Variants in TTC3 observed in about 807,000 individuals in gnomAD.
TTC3 encodes the protein E3 ubiquitin-protein ligase TTC3.
A neutral mutation model predicts 249.6 loss-of-function variants in TTC3; 180 were observed. That is an observed-to-expected ratio of 0.72 (90% CI 0.64 to 0.82). The LOEUF (loss-of-function observed/expected upper bound fraction) is 0.82, where lower values mean the gene tolerates loss of function less well. Among genes scored for constraint, TTC3 ranks in the 40% least tolerant of loss-of-function variants. TTC3 has a pLI of 0.00. For missense variants in TTC3, 2,061 were observed against 2,398.4 expected, an observed-to-expected ratio of 0.86 and a Z score of 2.94; for synonymous variants, 717 against 805.0, an observed-to-expected ratio of 0.89 and a Z score of 1.85.
At chr21:37,199,957 G>A (rs79863595) in intron 44 of TTC3, among the ~76,000 whole-genome samples, 4,221 of 152,220 alleles carry the variant, frequency 0.028, 83 homozygotes, top group Middle Eastern at 0.044. Context: ...TGTACTTTAG[G>A]TATGGTAATC....
exon 27 of TTC3, chr21:37,153,179 A>G (rs760748166): frequency 6.2e-6 from 10 of 1,614,204 alleles, no homozygotes; most frequent in Middle Eastern, 1.7e-4. Flanking sequence ...ATTCAAGAAA[A>G]TAACAGAGTA....
rs2070313892 is a variant in TTC3 at position 37,073,462 on chromosome 21, C to CGTGGGTGTGTGGTGAGT, written c.-12+110_-12+126dup. On this transcript the variant is annotated intron_variant, in intron 1 of 45. It removes the in-frame stop codon of an upstream open reading frame in the 5' UTR. Coordinates refer to ENST00000355666, the Ensembl canonical transcript of TTC3. ...GGAGCGGGGCCTTCCACACCCCCTC[C>CGTGGGTGTGTGGTGAGT]GTGGGTGTGTGGTGAGTGTGGGTGT... The CGTGGGTGTGTGGTGAGT allele has an allele frequency of 7.1e-6, 7 of 986,340 alleles. No homozygotes were observed. The highest frequency in any genetic ancestry group is 1.1e-4 in the East Asian group (1 of 8,820). The allele number at this position is 986,340 out of a possible 1,614,324, so 61.1% of individuals were successfully genotyped here. A position where few individuals can be genotyped will look rare whatever the true frequency, so the allele number is the denominator to read the frequency against.
At chr21:37,136,146 C>T (rs868195050) in intron 18 of TTC3, among the ~76,000 whole-genome samples, 1 of 152,142 alleles carries the variant, frequency 6.6e-6, no homozygotes, top group South Asian at 2.1e-4. Flanking sequence ...GTTATCTCCA[C>T]CCCCTTCCTT....
chr21:37,142,458 C>G (rs575948378), intron 20 of TTC3, among the ~76,000 whole-genome samples: 52 of 152,238 alleles, frequency 3.4e-4, no homozygotes, highest in African/African-American at 1.2e-3. Flanking sequence ...ACACCAGTAA[C>G]AGACAAACAG....
At chr21:37,161,261 T>C (rs2080717979) in intron 30 of TTC3, among the ~76,000 whole-genome samples, 1 of 152,114 alleles carries the variant, frequency 6.6e-6, no homozygotes, top group Admixed American at 6.6e-5. Context: ...TCCAAGCCCA[T>C]TAGATAAGTA....
At position 37,119,124 on chromosome 21, in the gene TTC3, G is replaced by A. The variant is rs1319523808; in HGVS notation, c.901-2693G>A. Among the ~76,000 whole-genome samples, 4 of 152,256 alleles carry A rather than the reference G, an allele frequency of 2.6e-5. No individual in the cohort carries two copies. The East Asian group carries it at 7.7e-4, about 29-fold the overall frequency. On this transcript the variant is annotated intron_variant, in intron 11 of 45. Transcript: ENST00000355666. ...GTGAATTTTACCTTGTTTGGTGCTG[G>A]ATATTCTTGTTTTTCTTTAAATATG... is the stretch of plus-strand genomic sequence containing the variant.
intron 23 of TTC3, among the ~76,000 whole-genome samples, chr21:37,149,209 A>G (rs1193420041): frequency 6.6e-6 from 1 of 152,208 alleles, no homozygotes; most frequent in South Asian, 2.1e-4. Flanking sequence ...TAGTATTACA[A>G]TCTTATTTGT....
intron 36 of TTC3, among the ~76,000 whole-genome samples, chr21:37,184,945 A>G (rs2083099513): frequency 1.3e-5 from 2 of 152,206 alleles, no homozygotes; most frequent in Admixed American, 1.3e-4. Flanking sequence ...AGAAATGACT[A>G]GAACATAGAG....
At chr21:37,081,111 T>TTC (rs2071586607) in intron 1 of TTC3, among the ~76,000 whole-genome samples, 1 of 62,898 alleles carries the variant, frequency 1.6e-5, no homozygotes, top group African/African-American at 5.3e-5. Flanking sequence ...ATTTATGCCT[T>TTC]TTTTTTTTTT....
intron 12 of TTC3, 64 bp from the exon 13 acceptor site, chr21:37,122,919 T>G: frequency 1.3e-6 from 2 of 1,565,916 alleles, no homozygotes; most frequent in South Asian, 1.1e-5. Context: ...ATTTGAAATC[T>G]TTTAAAGTCT....
At chr21:37,076,623 C>G (rs1277638766) in intron 1 of TTC3, among the ~76,000 whole-genome samples, 1 of 151,186 alleles carries the variant, frequency 6.6e-6, no homozygotes, top group Non-Finnish European at 1.5e-5. Flanking sequence ...GACAGGCAAA[C>G]CACAGGTTCT....
At chr21:37,166,104 A>C (rs2081230592) in exon 33 of TTC3, 4 of 1,614,140 alleles carry the variant, frequency 2.5e-6, no homozygotes, top group Non-Finnish European at 3.4e-6. Flanking sequence ...AATTCCCCCA[A>C]ACCGGTTCTT....
chr21:37,103,603 A>G (rs1176915020), intron 10 of TTC3, among the ~76,000 whole-genome samples: 1 of 152,212 alleles, frequency 6.6e-6, no homozygotes, highest in Admixed American at 6.5e-5. Context: ...TGTGATATTT[A>G]TAATATATGC....
intron 20 of TTC3, among the ~76,000 whole-genome samples, chr21:37,142,437 A>G (rs2055371596): frequency 6.6e-6 from 1 of 152,226 alleles, no homozygotes; most frequent in South Asian, 2.1e-4. Flanking sequence ...AAAAATCACA[A>G]GCATTCTTAT....
At chr21:37,107,843 T>A (rs1601476009) in intron 10 of TTC3, 1 of 152,556 alleles carries the variant, frequency 6.6e-6, no homozygotes, top group Non-Finnish European at 1.5e-5. Flanking sequence ...CCCAGCACTT[T>A]GGGAGGCCAA....
intron 20 of TTC3, among the ~76,000 whole-genome samples, chr21:37,143,133 C>T (rs2078650661): frequency 6.6e-6 from 1 of 152,106 alleles, no homozygotes; most frequent in Admixed American, 6.6e-5. Context: ...GACCTAAAAC[C>T]ATAAAAACCC....
intron 13 of TTC3, among the ~76,000 whole-genome samples, chr21:37,123,772 G>A (rs1262452539): frequency 4.0e-5 from 6 of 150,532 alleles, no homozygotes; most frequent in South Asian, 2.1e-4. Flanking sequence ...TTTTTGAGAC[G>A]GAGTCTCACT....
intron 21 of TTC3, among the ~76,000 whole-genome samples, chr21:37,147,115 G>A (rs2079047387): frequency 6.6e-6 from 1 of 152,154 alleles, no homozygotes; most frequent in Admixed American, 6.5e-5. Flanking sequence ...GCCTGGTAAA[G>A]TCCTCAGGAT....
At chr21:37,120,079 C>T (rs984889668) in intron 11 of TTC3, among the ~76,000 whole-genome samples, 10 of 152,226 alleles carry the variant, frequency 6.6e-5, no homozygotes, top group African/African-American at 2.4e-4. Context: ...ACACTTCCAC[C>T]GTGCCGTCCA....
Sources: allele counts gnomAD v4.1 joint callset (sites outside exome capture counted in the v4.1 genomes callset), GRCh38; gene constraint gnomAD v4.1.1; transcripts MANE v1.5; gene names NCBI Gene and HGNC (gene_info 2026-07-23, HGNC 2026-07-21).